OPCML: variants seen among roughly 807,000 people sequenced by gnomAD.
OPCML encodes the protein opioid-binding protein/cell adhesion molecule.
Under a neutral mutation model 37.8 loss-of-function variants are expected in OPCML, and 13 were observed. That is an observed-to-expected ratio of 0.34 (90% CI 0.22 to 0.55). OPCML has a LOEUF of 0.55. OPCML is among the 20% of genes least tolerant of loss of function. OPCML has a pLI of 0.91. For synonymous variants in OPCML, 176 were observed against 168.8 expected, an observed-to-expected ratio of 1.04 and a Z score of -0.33; for missense variants, 341 against 435.6, an observed-to-expected ratio of 0.78 and a Z score of 1.93.
chr11:133,301,619 A>T lies in OPCML; in HGVS notation c.61+230645T>A, dbSNP rs562712449. On this transcript the variant is annotated intron_variant, in intron 1 of 7. Transcript: ENST00000524381. ...TGGCTTTATTTCAGAAGAAATATCT[A>T]TGTAAACTTTTTTGATAAAATCGGA... 114 of 152,294 alleles carry T rather than the reference A, an allele frequency of 7.5e-4. 1 individual carries two copies. The highest frequency in any genetic ancestry group is 2.6e-3 in the African/African-American group (109 of 41,574). The allele number at this position is 152,294 out of a possible 1,614,324, so 9.4% of individuals were successfully genotyped here. A position where few individuals can be genotyped will look rare whatever the true frequency, so the allele number is the denominator to read the frequency against.
At chr11:132,934,912 G>A (rs367926850) in intron 2 of OPCML, among the ~76,000 whole-genome samples, 2 of 152,098 alleles carry the variant, frequency 1.3e-5, no homozygotes, top group African/African-American at 4.8e-5. Context: ...GGCCGGGATG[G>A]GGGGAACACC....
At chr11:132,521,412 T>C (rs2096293386) in intron 4 of OPCML, among the ~76,000 whole-genome samples, 1 of 152,200 alleles carries the variant, frequency 6.6e-6, no homozygotes, top group African/African-American at 2.4e-5. Context: ...TTGGCTTTTC[T>C]TTCAATTGCT....
intron 1 of OPCML, chr11:133,117,897 G>A: frequency 1.2e-5 from 12 of 985,166 alleles, no homozygotes; most frequent in Non-Finnish European, 1.4e-5. Flanking sequence ...ATCAAATGAA[G>A]TCTTCAAATA....
intron 1 of OPCML, among the ~76,000 whole-genome samples, chr11:133,132,629 C>T (rs1349033382): frequency 1.3e-5 from 2 of 152,048 alleles, no homozygotes; most frequent in African/African-American, 2.4e-5. Flanking sequence ...GCTGAATGGC[C>T]AACCAAACTG....
chr11:133,294,539 A>G (rs1161635630), intron 1 of OPCML, among the ~76,000 whole-genome samples: 3 of 152,114 alleles, frequency 2.0e-5, no homozygotes, highest in Non-Finnish European at 1.5e-5. Context: ...AAAATATTAA[A>G]CATTTCTTCA....
At chr11:133,373,862 T>C (rs1944740442) in intron 1 of OPCML, among the ~76,000 whole-genome samples, 1 of 152,168 alleles carries the variant, frequency 6.6e-6, no homozygotes, top group South Asian at 2.1e-4. Context: ...AGCTTCATAG[T>C]TTTCCATCAT....
At chr11:132,858,881 C>A (rs1012082491) in intron 2 of OPCML, among the ~76,000 whole-genome samples, 10 of 152,140 alleles carry the variant, frequency 6.6e-5, no homozygotes, top group African/African-American at 2.4e-4. Context: ...GGTAACGCAG[C>A]AGAAATGCAA....
At chr11:132,542,946 T>C (rs1315982422) in intron 3 of OPCML, among the ~76,000 whole-genome samples, 2 of 152,162 alleles carry the variant, frequency 1.3e-5, no homozygotes, top group African/African-American at 4.8e-5. Context: ...TGCGACAGAA[T>C]TGAAGAAGGA....
In OPCML at chr11:133,384,369, G is replaced by T. The variant is rs537907101; in HGVS notation, c.61+147895C>A. Among the ~76,000 whole-genome samples the T allele has an allele frequency of 1.6e-4, 24 of 152,098 alleles. No homozygotes were observed. In the East Asian group the frequency reaches 4.3e-3, roughly 27 times the overall value. ...TCAACCTCTCCCTTCCAAGCTACAGGTCAGAGGAAAAGCAAGAACTGTCAA... is the reference window on the plus strand; with the variant it reads ...TCAACCTCTCCCTTCCAAGCTACAGTTCAGAGGAAAAGCAAGAACTGTCAA... On this transcript the variant is annotated intron_variant, in intron 1 of 7. Coordinates refer to ENST00000524381, the MANE Select transcript of OPCML (RefSeq NM_001012393.5).
intron 1 of OPCML, among the ~76,000 whole-genome samples, chr11:133,514,462 G>A (rs575239998): frequency 2.6e-5 from 4 of 152,136 alleles, no homozygotes; most frequent in African/African-American, 7.2e-5. Context: ...CTTCCTCCTC[G>A]TCTGGAGTGC....
At chr11:132,535,259 G>A (rs2096337438) in intron 3 of OPCML, among the ~76,000 whole-genome samples, 1 of 151,972 alleles carries the variant, frequency 6.6e-6, no homozygotes, top group Non-Finnish European at 1.5e-5. Context: ...CTCTTAAACT[G>A]AGCTATTGGG....
At chr11:133,240,188 G>C (rs1348776658) in intron 1 of OPCML, among the ~76,000 whole-genome samples, 3 of 98,258 alleles carry the variant, frequency 3.1e-5, no homozygotes, top group Non-Finnish European at 5.5e-5. Flanking sequence ...AGAATGGACT[G>C]AATGAATACT....
At chr11:132,988,207 T>C (rs1420798443) in intron 1 of OPCML, among the ~76,000 whole-genome samples, 3 of 151,836 alleles carry the variant, frequency 2.0e-5, no homozygotes, top group African/African-American at 7.3e-5. Context: ...AGGCTGAGAG[T>C]TGACTCACTG....
At position 133,140,934 on chromosome 11, in the gene OPCML, A is replaced by C. The variant is rs370923857; in HGVS notation, c.62-197924T>G. On this transcript the variant is annotated intron_variant, in intron 1 of 7. Transcript: ENST00000524381. ...AAGAAGAAGAAGACGACGACGACGAAGAAGAAGAAGACGACGAAGAAGAAG... is the reference window on the plus strand; with the variant it reads ...AAGAAGAAGAAGACGACGACGACGACGAAGAAGAAGACGACGAAGAAGAAG... 7.2e-3 allele frequency among the ~76,000 whole-genome samples: 128 copies of C among 17,678 alleles called. 26 individuals are homozygous for C. The highest frequency in any genetic ancestry group is 0.011 in the African/African-American group (95 of 8,700). 11.6% of individuals were successfully genotyped at this position (17,678 alleles called of 152,430 possible).
At chr11:132,881,553 A>G (rs879748433) in intron 2 of OPCML, among the ~76,000 whole-genome samples, 11 of 152,122 alleles carry the variant, frequency 7.2e-5, no homozygotes, top group Non-Finnish European at 1.2e-4. Flanking sequence ...CTCCCAGTAA[A>G]TGTCTACTCT....
chr11:133,129,806 G>A (rs1463531574), intron 1 of OPCML, among the ~76,000 whole-genome samples: 5 of 152,150 alleles, frequency 3.3e-5, no homozygotes, highest in Non-Finnish European at 5.9e-5. Flanking sequence ...TACTTGGGAG[G>A]CTGAAGCAGG....
intron 3 of OPCML, among the ~76,000 whole-genome samples, chr11:132,618,665 T>G (rs1939185113): frequency 6.6e-6 from 1 of 152,220 alleles, no homozygotes; most frequent in African/African-American, 2.4e-5. Flanking sequence ...TTGATTTTAT[T>G]TTAGTAAAAT....
At chr11:133,035,882 C>A (rs1591935752) in intron 1 of OPCML, among the ~76,000 whole-genome samples, 1 of 150,972 alleles carries the variant, frequency 6.6e-6, no homozygotes, top group African/African-American at 2.4e-5. Flanking sequence ...GCGGCACAGA[C>A]AACACCGCAA....
intron 2 of OPCML, among the ~76,000 whole-genome samples, chr11:132,699,635 T>C (rs1943732301): frequency 1.3e-5 from 2 of 152,118 alleles, no homozygotes; most frequent in African/African-American, 2.4e-5. Flanking sequence ...TCTGTTAACG[T>C]AGTGCACCAT....
Sources: gnomAD v4.1 joint callset for allele counts (sites outside exome capture counted in the v4.1 genomes callset) on GRCh38, gnomAD v4.1.1 for gene constraint, MANE v1.5 for transcripts, NCBI Gene and HGNC (gene_info 2026-07-23, HGNC 2026-07-21) for gene names.